ATRN: variants seen among roughly 807,000 people sequenced by gnomAD.
ATRN encodes the protein attractin-2.
A neutral mutation model predicts 178.7 loss-of-function variants in ATRN; 54 were observed. The ratio of observed to expected loss-of-function variants is 0.30; its 90% CI spans 0.24 to 0.38. ATRN has a LOEUF of 0.38. Among genes scored for constraint, ATRN ranks in the 10% least tolerant of loss-of-function variants. The pLI is 1.00. For synonymous variants in ATRN, 636 were observed against 663.0 expected (o/e 0.96, Z 0.63); for missense variants, 1,443 against 1,815.1 (o/e 0.79, Z 3.73).
intron 1 of ATRN, among the ~76,000 whole-genome samples, chr20:3,504,922 C>T (rs148143073): frequency 3.9e-3 from 585 of 151,848 alleles, no homozygotes; most frequent in Non-Finnish European, 5.9e-3. Flanking sequence ...TATTATAAGC[C>T]GTATGTTTAT....
At chr20:3,489,167 G>A (rs1284710135) in intron 1 of ATRN, among the ~76,000 whole-genome samples, 1 of 152,142 alleles carries the variant, frequency 6.6e-6, no homozygotes, top group East Asian at 1.9e-4. Flanking sequence ...CACCATGTTG[G>A]CCAGGTTGGT....
chr20:3,624,840 A>G (rs1292672725), intron 25 of ATRN, among the ~76,000 whole-genome samples: 4 of 152,138 alleles, frequency 2.6e-5, no homozygotes, highest in Admixed American at 1.3e-4. Flanking sequence ...CATGCATCCT[A>G]TAGATAATTT....
chr20:3,476,188 T>C (rs1447803838), intron 1 of ATRN, among the ~76,000 whole-genome samples: 1 of 152,242 alleles, frequency 6.6e-6, no homozygotes, highest in Non-Finnish European at 1.5e-5. Context: ...TAGTGCCAAC[T>C]GCCTATTAGA....
At chr20:3,556,654 T>C (rs1458985558) in intron 6 of ATRN, among the ~76,000 whole-genome samples, 5 of 152,230 alleles carry the variant, frequency 3.3e-5, no homozygotes, top group Admixed American at 3.3e-4. Flanking sequence ...TTAGAATTAG[T>C]TGTTCACTAT....
chr20:3,603,429 TG>T (rs921449172), intron 23 of ATRN, among the ~76,000 whole-genome samples: 1 of 152,026 alleles, frequency 6.6e-6, no homozygotes, highest in African/African-American at 2.4e-5. Flanking sequence ...GTCACCTGTT[TG>T]GGGGTGGGGC....
intron 1 of ATRN, among the ~76,000 whole-genome samples, chr20:3,500,071 A>G (rs1489912967): frequency 7.2e-5 from 11 of 152,324 alleles, no homozygotes; most frequent in South Asian, 4.1e-4. Flanking sequence ...CAGCCAAAAA[A>G]CACATGAAAA....
chr20:3,596,192 G>C (rs1013740831), intron 20 of ATRN, among the ~76,000 whole-genome samples, 185 bp from the exon 21 acceptor site: 2 of 152,180 alleles, frequency 1.3e-5, no homozygotes, highest in Non-Finnish European at 2.9e-5. Context: ...GTGAACTGCT[G>C]AGCAGTCAGT....
At chr20:3,536,667 A>C (rs1320509578) in intron 2 of ATRN, among the ~76,000 whole-genome samples, 1 of 152,214 alleles carries the variant, frequency 6.6e-6, no homozygotes, top group Non-Finnish European at 1.5e-5. Context: ...GTAGTGAAAA[A>C]ATGGCATTGT....
In ATRN at chr20:3,582,314, C is replaced by T. The variant is rs6037628; in HGVS notation, c.2724C>T (p.Thr908=). 6.2e-7 allele frequency: 1 copy of T among 1,612,244 alleles called. No individual in the cohort carries two copies. The highest frequency in any genetic ancestry group is 1.3e-5 in the African/African-American group (1 of 74,860). ...GTACTCGGGGACTGAAGGCTGCAAC[C>T]TGCATCAACCCACTCAATGGTAGTG... is the stretch of plus-strand genomic sequence containing the variant. ...EPSTRGLKAA[T]CINPLNGSVC... is the part of the protein sequence containing the mutation. Residue 908 remains threonine, a synonymous_variant, in exon 16 of 29, where the codon ACC becomes ACT. Coordinates refer to ENST00000262919, the MANE Select transcript of ATRN (RefSeq NM_139321.3).
chr20:3,495,164 G>A (rs569330825), intron 1 of ATRN, among the ~76,000 whole-genome samples: 62 of 151,916 alleles, frequency 4.1e-4, no homozygotes, highest in Non-Finnish European at 6.6e-4. Context: ...TATTTCTTTC[G>A]AATTTAAGAA....
intron 19 of ATRN, among the ~76,000 whole-genome samples, chr20:3,591,528 C>G (rs1461487528): frequency 1.3e-5 from 2 of 152,180 alleles, no homozygotes; most frequent in Admixed American, 6.5e-5. Flanking sequence ...AAGCCTTTGA[C>G]CACATTCTGC....
Position 3,535,332 on chromosome 20 carries a change from G to T in ATRN, c.490G>T (p.Gly164Ter). The T allele has an allele frequency of 6.5e-7, 1 of 1,527,472 alleles. No individual in the cohort carries two copies. The highest frequency in any genetic ancestry group is 1.9e-5 in the Admixed American group (1 of 53,886). 94.6% of individuals were successfully genotyped at this position (1,527,472 alleles called of 1,614,324 possible). Reference sequence around the variant, plus strand: ...AACGAAGTGCACGTGGCTCATTGAAGGACAGTAAGTAGAAATGGCTGACTT... The same window carrying T: ...AACGAAGTGCACGTGGCTCATTGAATGACAGTAAGTAGAAATGGCTGACTT... ...YKTKCTWLIEGQPNRIMRLRF... is the reference protein window; with the variant it reads ...YKTKCTWLIE Residue 164 changes from glycine to a stop codon, truncating the protein, a stop_gained, in exon 2 of 29, where the codon GGA becomes TGA. Transcript: ENST00000262919. LOFTEE classifies it high-confidence loss of function.
chr20:3,545,853 G>T lies in ATRN; in HGVS notation c.700G>T (p.Ala234Ser). 1 of 1,613,872 alleles carries T rather than the reference G, an allele frequency of 6.2e-7. No individual in the cohort carries two copies. The highest frequency in any genetic ancestry group is 8.5e-7 in the Non-Finnish European group (1 of 1,179,878). ...TGCCTTGCTGCATTTTTTTAGTGAT[G>T]CTGCTTATAATTTGACTGGATTTAA... ...GYALLHFFSD[A>S]AYNLTGFNIT... Residue 234 changes from alanine to serine, a missense_variant, in exon 4 of 29, where the codon GCT (alanine) becomes TCT (serine). Transcript: ENST00000262919.
intron 11 of ATRN, among the ~76,000 whole-genome samples, chr20:3,567,369 A>G (rs1568734413): frequency 6.6e-6 from 1 of 152,242 alleles, no homozygotes; most frequent in Non-Finnish European, 1.5e-5. Context: ...AAACAAATGA[A>G]TTTTTTATAA....
At chr20:3,489,925 C>T (rs1568683819) in intron 1 of ATRN, 2 of 1,243,412 alleles carry the variant, frequency 1.6e-6, no homozygotes, top group Non-Finnish European at 2.4e-6. Context: ...TTCTTTTCAT[C>T]TTCACTCTCA....
intron 24 of ATRN, among the ~76,000 whole-genome samples, chr20:3,615,281 T>G (rs1263707027): frequency 6.6e-6 from 1 of 151,586 alleles, no homozygotes; most frequent in African/African-American, 2.4e-5. Context: ...TACAAAAAAT[T>G]AGCTGGGCGT....
intron 11 of ATRN, among the ~76,000 whole-genome samples, chr20:3,569,808 C>T (rs376891247): frequency 7.6e-4 from 115 of 152,290 alleles, no homozygotes; most frequent in African/African-American, 2.2e-3. Flanking sequence ...TGGTGGCTCA[C>T]GCCTGTAATC....
chr20:3,486,403 T>G (rs1483293540), intron 1 of ATRN, among the ~76,000 whole-genome samples: 1 of 152,020 alleles, frequency 6.6e-6, no homozygotes, highest in South Asian at 2.1e-4. Context: ...TTTTTTCCTT[T>G]TTATTTTTAT....
chr20:3,563,827 T>G (rs1033230993), intron 10 of ATRN, among the ~76,000 whole-genome samples: 1 of 152,372 alleles, frequency 6.6e-6, no homozygotes, highest in African/African-American at 2.4e-5. Flanking sequence ...TCATAAAAAT[T>G]GTCAGATGTT....
Sources: gnomAD v4.1 joint callset for allele counts (sites outside exome capture counted in the v4.1 genomes callset) on GRCh38, gnomAD v4.1.1 for gene constraint, MANE v1.5 for transcripts, NCBI Gene and HGNC (gene_info 2026-07-23, HGNC 2026-07-21) for gene names.